Variants in FBXO36 observed in about 807,000 individuals in gnomAD.
FBXO36 encodes the protein F-box protein 36, also known as F-box only protein 36.
In FBXO36, 18 loss-of-function variants were observed where a neutral mutation model predicts 17.0. The observed-to-expected ratio is 1.06, with a 90% confidence interval of 0.73 to 1.57. The LOEUF is 1.57. Ranked by LOEUF, FBXO36 falls within the 40% of genes most tolerant of loss-of-function variation. The probability of loss-of-function intolerance (pLI) is 0.00; values close to 1 mark genes in which losing one functional copy is unlikely to be tolerated. For missense variants in FBXO36, 229 were observed against 221.9 expected, an observed-to-expected ratio of 1.03 and a Z score of -0.20; for synonymous variants, 83 against 85.3, an observed-to-expected ratio of 0.97 and a Z score of 0.15.
intron 2 of FBXO36, among the ~76,000 whole-genome samples, chr2:229,995,596 C>CTTT (rs1294052123): frequency 7.6e-6 from 1 of 132,100 alleles, no homozygotes; most frequent in African/African-American, 2.8e-5. Flanking sequence ...TTCTTTCTTT[C>CTTT]TTTTTTTTTT....
intron 3 of FBXO36, among the ~76,000 whole-genome samples, chr2:230,002,126 T>C (rs1319677425): frequency 1.3e-5 from 2 of 152,124 alleles, no homozygotes; most frequent in African/African-American, 2.4e-5. Flanking sequence ...GCATGAGCCA[T>C]TGCTCGGCCT....
intron 2 of FBXO36, among the ~76,000 whole-genome samples, chr2:229,995,305 TG>T (rs1199556363): frequency 6.6e-6 from 1 of 152,102 alleles, no homozygotes; most frequent in Non-Finnish European, 1.5e-5. Context: ...TTCAGAGAAC[TG>T]GGGGGAAATC....
At chr2:230,001,904 G>A (rs1274087764) in intron 3 of FBXO36, among the ~76,000 whole-genome samples, 1 of 152,070 alleles carries the variant, frequency 6.6e-6, no homozygotes, top group Non-Finnish European at 1.5e-5. Context: ...TGCAATCTCC[G>A]CCTCCCAGGT....
intron 2 of FBXO36, among the ~76,000 whole-genome samples, chr2:229,981,488 T>G (rs2077239452): frequency 6.6e-6 from 1 of 151,794 alleles, no homozygotes; most frequent in Admixed American, 6.6e-5. Context: ...AGCGGATCAC[T>G]TGAAGCCAGG....
At chr2:229,968,962 C>T (rs919662945) in intron 1 of FBXO36, among the ~76,000 whole-genome samples, 4 of 151,618 alleles carry the variant, frequency 2.6e-5, no homozygotes, top group Admixed American at 6.6e-5. Context: ...TTAGTAGAGA[C>T]GGGGTTTCAC....
chr2:229,990,583 A>T (rs904737309), intron 2 of FBXO36, among the ~76,000 whole-genome samples: 1 of 152,174 alleles, frequency 6.6e-6, no homozygotes, highest in Non-Finnish European at 1.5e-5. Flanking sequence ...TCCAGGATTA[A>T]TCCTACTGGT....
At chr2:229,946,376 T>A (rs2077027267) in intron 1 of FBXO36, among the ~76,000 whole-genome samples, 1 of 152,224 alleles carries the variant, frequency 6.6e-6, no homozygotes, top group South Asian at 2.1e-4. Context: ...CTTTCCCCAA[T>A]CTTTGCCTAG....
intron 2 of FBXO36, among the ~76,000 whole-genome samples, chr2:229,979,284 G>A (rs185706106): frequency 6.6e-6 from 1 of 151,880 alleles, no homozygotes; most frequent in Admixed American, 6.6e-5. Context: ...GATTTCTTGA[G>A]CCCAGGAGTT....
At chr2:229,996,281 T>A (rs1432180535) in intron 2 of FBXO36, among the ~76,000 whole-genome samples, 2 of 149,692 alleles carry the variant, frequency 1.3e-5, no homozygotes, top group Non-Finnish European at 3.0e-5. Context: ...AAAAAAAAAA[T>A]AAGTTAAATA....
intron 2 of FBXO36, among the ~76,000 whole-genome samples, chr2:229,978,199 G>A (rs963185290): frequency 3.9e-5 from 6 of 152,040 alleles, no homozygotes; most frequent in Non-Finnish European, 8.8e-5. Flanking sequence ...GAGGTGGGAG[G>A]ATTGCTTGAG....
chr2:229,926,558 A>G (rs893123087), intron 1 of FBXO36, among the ~76,000 whole-genome samples: 4 of 151,562 alleles, frequency 2.6e-5, no homozygotes, highest in African/African-American at 9.7e-5. Context: ...AGCCTGGCCA[A>G]CATGGTAAAA....
chr2:229,922,639 C>T, intron 1 of FBXO36, 30 bp downstream of exon 1: 1 of 1,608,970 alleles, frequency 6.2e-7, no homozygotes, highest in Non-Finnish European at 8.5e-7. Context: ...TACCCTCTCT[C>T]CTAACTCCCT....
chr2:229,976,237 A>G lies in FBXO36; in HGVS notation c.97-4A>G, dbSNP rs367634277. On this transcript the variant is annotated splice_polypyrimidine_tract_variant and splice_region_variant and intron_variant, in intron 1 of 3. Coordinates refer to ENST00000283946, the MANE Select transcript of FBXO36 (RefSeq NM_174899.5). ...AATTCATATCACTTTGTATTTAATT[A>G]TAGGTAATCTTTAGATGGTGGAAGA... is the stretch of plus-strand genomic sequence containing the variant. 4 of 1,583,318 alleles carry G rather than the reference A, an allele frequency of 2.5e-6. No homozygotes were observed. Among genetic ancestry groups the G allele is most frequent in the Non-Finnish European group, 3.4e-6 (4 of 1,165,002 alleles).
At chr2:229,935,097 A>G (rs566567342) in intron 1 of FBXO36, among the ~76,000 whole-genome samples, 7 of 152,208 alleles carry the variant, frequency 4.6e-5, no homozygotes, top group Non-Finnish European at 1.0e-4. Context: ...GTGCCTCCAC[A>G]ATCTGGATGA....
chr2:230,009,979 A>G (rs1560459601), intron 3 of FBXO36, among the ~76,000 whole-genome samples: 1 of 145,576 alleles, frequency 6.9e-6, no homozygotes, highest in Non-Finnish European at 1.5e-5. Flanking sequence ...AAAATAGATA[A>G]GGCTGGGCAC....
At chr2:229,967,317 C>G (rs939661086) in intron 1 of FBXO36, among the ~76,000 whole-genome samples, 3 of 152,174 alleles carry the variant, frequency 2.0e-5, no homozygotes, top group Non-Finnish European at 4.4e-5. Context: ...ATCATGTCGT[C>G]TGCAAACAGG....
rs199718239 is a variant in FBXO36, at chr2:229,949,144, C to CT, written c.96+26543dup. 1.3e-4 allele frequency among the ~76,000 whole-genome samples: 19 copies of CT among 151,920 alleles called. 2 individuals carry two copies. The highest frequency in any genetic ancestry group is 3.6e-4 in the African/African-American group (15 of 41,384). On this transcript the variant is annotated intron_variant, in intron 1 of 3. Transcript: ENST00000283946. ...CACTGCGCCCAGCCTCAGGATGCCT[C>CT]TTTTTTTTACATAAATGCCTGTCTG...
intron 1 of FBXO36, among the ~76,000 whole-genome samples, chr2:229,964,760 C>A (rs776420649): frequency 1.3e-5 from 2 of 152,214 alleles, no homozygotes; most frequent in Non-Finnish European, 1.5e-5. Flanking sequence ...ACCTCGTGAT[C>A]CTTCCGCCTC....
At chr2:229,971,672 T>C (rs966214577) in intron 1 of FBXO36, among the ~76,000 whole-genome samples, 3 of 152,164 alleles carry the variant, frequency 2.0e-5, no homozygotes, top group East Asian at 3.9e-4. Flanking sequence ...ATCCACTCTG[T>C]TTGAAGATAA....
Sources: gnomAD v4.1 joint callset for allele counts (sites outside exome capture counted in the v4.1 genomes callset) on GRCh38, gnomAD v4.1.1 for gene constraint, MANE v1.5 for transcripts, NCBI Gene and HGNC (gene_info 2026-07-23, HGNC 2026-07-21) for gene names.